The following CES4A variants were observed in gnomAD, a reference collection of about 807,000 sequenced individuals.
CES4A encodes carboxylesterase 4A.
In CES4A, 48 loss-of-function variants were observed where a neutral mutation model predicts 65.4. That is an observed-to-expected ratio of 0.73 (90% CI 0.58 to 0.93). CES4A has a LOEUF of 0.93. CES4A is among the 40% of genes least tolerant of loss of function. The pLI, the probability that CES4A is intolerant of heterozygous loss-of-function variation, is 0.00. For synonymous variants in CES4A, 247 were observed against 281.8 expected, an observed-to-expected ratio of 0.88 and a Z score of 1.24; for missense variants, 685 against 728.5, an observed-to-expected ratio of 0.94 and a Z score of 0.69.
At chr16:66,994,860 C>T in intron 1 of CES4A, among the ~76,000 whole-genome samples, 1 of 141,088 alleles carries the variant, frequency 7.1e-6, no homozygotes, top group African/African-American at 3.0e-5. Context: ...AAAAATTAGC[C>T]AGGCGCGGTG....
At chr16:66,990,998 C>T (rs1964343001) in intron 1 of CES4A, among the ~76,000 whole-genome samples, 1 of 149,446 alleles carries the variant, frequency 6.7e-6, no homozygotes, top group Non-Finnish European at 1.5e-5. Flanking sequence ...GTGAACTTTT[C>T]TTTTCTTTTC....
chr16:67,006,246 T>G (rs1175776058), intron 11 of CES4A, 145 bp from the exon 12 acceptor site: 1 of 767,416 alleles, frequency 1.3e-6, no homozygotes, highest in Non-Finnish European at 2.1e-6. Flanking sequence ...GAATGAGTAG[T>G]GCAGACAGGA....
chr16:67,000,372 C>A lies in CES4A; in HGVS notation c.261-266C>A. 2 of 707,988 alleles carry A rather than the reference C, an allele frequency of 2.8e-6. No homozygotes were observed. The highest frequency in any genetic ancestry group is 3.5e-6 in the Non-Finnish European group (2 of 577,086). The allele number at this position is 707,988 out of a possible 1,614,324, so 43.9% of individuals were successfully genotyped here. A position where few individuals can be genotyped will look rare whatever the true frequency, so the allele number is the denominator to read the frequency against. On this transcript the variant is annotated intron_variant, in intron 2 of 13. Coordinates refer to ENST00000648724, the Ensembl canonical transcript of CES4A. The surrounding 1 kb of genome is among the most constrained non-coding windows in gnomAD (Gnocchi z 4.2). ...GTGCCCAGGGCAGGCAGGTTCCTGC[C>A]TTGACAGCACCAACAGGAGCAGGAA...
Position 67,000,828 on chromosome 16 carries a change from C to T in CES4A, c.403-29C>T, listed in dbSNP as rs1965253565. The T allele has an allele frequency of 6.4e-7, 1 of 1,560,016 alleles. No homozygotes were observed. The highest frequency in any genetic ancestry group is 8.7e-7 in the Non-Finnish European group (1 of 1,151,602). On this transcript the variant is annotated intron_variant, in intron 3 of 13. Transcript: ENST00000648724. The surrounding 1 kb of genome is among the most constrained non-coding windows in gnomAD (Gnocchi z 4.2). ...CGCGGTCCCACCGCCGCCCACCGCC[C>T]CGCTCAGATCCCGGCCTTCTTCGTC...
chr16:67,008,865 G>T, intron 13 of CES4A, 109 bp from the exon 14 acceptor site: 5 of 1,089,964 alleles, frequency 4.6e-6, no homozygotes, highest in Non-Finnish European at 6.7e-6. Context: ...TCTCCGTAAA[G>T]CCCTCTGGAA....
chr16:67,003,570 C>G lies in CES4A; in HGVS notation c.939+17C>G. On this transcript the variant is annotated intron_variant, in intron 8 of 13. Transcript: ENST00000648724. This position sits in a 1 kb window ranked among gnomAD's most constrained non-coding sequence, Gnocchi z 4.2. ...CCGGAAGAGGTAAACAGGCCACATT[C>G]TGCAATTTGAGTATTTATTTAACAC... 6.2e-7 allele frequency: 1 copy of G among 1,604,828 alleles called. No homozygotes were observed. The highest frequency in any genetic ancestry group is 8.5e-7 in the Non-Finnish European group (1 of 1,171,604).
In CES4A at chr16:67,004,874, G is replaced by A. The variant is rs1308695208; in HGVS notation, c.1161+1G>A. 4.6e-6 allele frequency: 7 copies of A among 1,535,712 alleles called. No homozygotes were observed. Among genetic ancestry groups the A allele is most frequent in the Admixed American group, 3.9e-5 (2 of 50,980 alleles). On this transcript the variant is annotated splice_donor_variant, in intron 10 of 13. Transcript: ENST00000648724. LOFTEE classifies it high-confidence loss of function. ...GCTCTGGAGTACCCGCACCCTGTTG[G>A]TGAGGGACCCAGCTGGCAGGGGTGC...
chr16:67,000,830 G>A lies in CES4A; in HGVS notation c.403-27G>A, dbSNP rs1440060590. 6.4e-7 allele frequency: 1 copy of A among 1,561,406 alleles called. No individual in the cohort carries two copies. The highest frequency in any genetic ancestry group is 1.4e-5 in the African/African-American group (1 of 73,634). On this transcript the variant is annotated intron_variant, in intron 3 of 13. Coordinates refer to ENST00000648724, the Ensembl canonical transcript of CES4A. This position sits in a 1 kb window ranked among gnomAD's most constrained non-coding sequence, Gnocchi z 4.2. ...CGGTCCCACCGCCGCCCACCGCCCC[G>A]CTCAGATCCCGGCCTTCTTCGTCCA...
chr16:67,004,272 C>T (rs774888619), intron 9 of CES4A, 48 bp downstream of exon 9: 1 of 1,603,388 alleles, frequency 6.2e-7, no homozygotes, highest in Non-Finnish European at 8.5e-7. Context: ...TAAGTGAGTA[C>T]CATAGTGGAG....
At chr16:66,997,064 C>CAAA (rs1233686261) in intron 2 of CES4A, among the ~76,000 whole-genome samples, 12 of 95,820 alleles carry the variant, frequency 1.3e-4, no homozygotes, top group African/African-American at 4.2e-4. Context: ...GACCCTGTCT[C>CAAA]AAAAAAAAAA....
At chr16:66,988,860 C>A in intron 1 of CES4A, 30 bp downstream of exon 1, 1 of 1,548,204 alleles carries the variant, frequency 6.5e-7, no homozygotes, top group Non-Finnish European at 8.7e-7. Flanking sequence ...CCGAGAGTGT[C>A]AGGCAAGACG....
Position 67,000,924 on chromosome 16 carries a change from T to C in CES4A, c.470T>C (p.Leu157Ser). ...GCTTCTTCGTACGAGGGCTCTGACTTGGCCGCCCGCGAGAAAGTGGTGCTG... is the reference window on the plus strand; with the variant it reads ...GCTTCTTCGTACGAGGGCTCTGACTCGGCCGCCCGCGAGAAAGTGGTGCTG... The change falls in exon 4 of 14, where the codon TTG becomes TCG. Residue 157 changes from leucine to serine, a missense_variant. Transcript: ENST00000648724. This position sits in a 1 kb window ranked among gnomAD's most constrained non-coding sequence, Gnocchi z 4.2. 6.2e-7 allele frequency: 1 copy of C among 1,613,102 alleles called. No individual in the cohort carries two copies. The highest frequency in any genetic ancestry group is 1.1e-5 in the South Asian group (1 of 90,866).
Position 67,001,308 on chromosome 16 carries a change from C to T in CES4A, c.537C>T (p.Ser179=). Residue 179 remains serine (S), a splice_region_variant and synonymous_variant, in exon 5 of 14, where the codon AGC becomes AGT. Coordinates refer to ENST00000648724, the Ensembl canonical transcript of CES4A. The surrounding 1 kb of genome is among the most constrained non-coding windows in gnomAD (Gnocchi z 4.1). ...CTGACAGTGAACCCCACACGCCCAG[C>T]ACGGACGACAGCCACGCGCGCGGGA... is the stretch of plus-strand genomic sequence containing the variant. 8 of 1,601,580 alleles carry T rather than the reference C, an allele frequency of 5.0e-6. No homozygotes were observed. The highest frequency in any genetic ancestry group is 6.8e-6 in the Non-Finnish European group (8 of 1,173,992).
rs1251608709 is a variant in CES4A, at chr16:66,988,818, C to T, written c.46C>T (p.Gln16Ter). 1.1e-5 allele frequency: 18 copies of T among 1,567,988 alleles called. No homozygotes were observed. Among genetic ancestry groups the T allele is most frequent in the Non-Finnish European group, 1.5e-5 (17 of 1,155,430 alleles). The change falls in exon 1 of 14, where the codon CAG becomes TAG. Residue 16 changes from glutamine (Q) to a stop codon, truncating the protein, a stop_gained. Transcript: ENST00000648724. LOFTEE classifies it high-confidence loss of function. ...GAGCCTCACCCTCTGCCTGATGGCG[C>T]AGACGGCCTTGGGTAAGACCCCCAC...
Position 67,003,375 on chromosome 16 carries a change from C to G in CES4A, c.900+15C>G. The G allele has an allele frequency of 6.2e-7, 1 of 1,611,628 alleles. No homozygotes were observed. The highest frequency in any genetic ancestry group is 2.2e-5 in the East Asian group (1 of 44,864). ...CCAACAAGATGGTAGGTAGAACATTCCAGCTGCCTGACCTGGCTGCCTGAG... is the reference window on the plus strand; with the variant it reads ...CCAACAAGATGGTAGGTAGAACATTGCAGCTGCCTGACCTGGCTGCCTGAG... On this transcript the variant is annotated intron_variant, in intron 7 of 13. Coordinates refer to ENST00000648724, the Ensembl canonical transcript of CES4A. This position sits in a 1 kb window ranked among gnomAD's most constrained non-coding sequence, Gnocchi z 4.2.
chr16:67,003,491 C>G lies in CES4A; in HGVS notation c.901-24C>G. ...CACACGAGGGAGACTTCCTTTAACT[C>G]TGATCCCTTCCTCTCCCCCATAGAG... is the stretch of plus-strand genomic sequence containing the variant. On this transcript the variant is annotated intron_variant, in intron 7 of 13. Transcript: ENST00000648724. This position sits in a 1 kb window ranked among gnomAD's most constrained non-coding sequence, Gnocchi z 4.2. The G allele has an allele frequency of 6.2e-7, 1 of 1,612,234 alleles. No homozygotes were observed. The highest frequency in any genetic ancestry group is 2.2e-5 in the East Asian group (1 of 44,876).
At chr16:66,996,477 C>A (rs1296683390) in intron 2 of CES4A, among the ~76,000 whole-genome samples, 1 of 152,162 alleles carries the variant, frequency 6.6e-6, no homozygotes, top group Non-Finnish European at 1.5e-5. Context: ...TGACCCAGTC[C>A]GGAGCTCTTC....
In CES4A at chr16:67,001,474, C is replaced by A; in HGVS notation, c.690+13C>A. The A allele has an allele frequency of 6.3e-7, 1 of 1,585,062 alleles. No individual in the cohort carries two copies. The highest frequency in any genetic ancestry group is 1.2e-5 in the South Asian group (1 of 86,386). On this transcript the variant is annotated intron_variant, in intron 5 of 13. Transcript: ENST00000648724. The surrounding 1 kb of genome is among the most constrained non-coding windows in gnomAD (Gnocchi z 4.1). ...CATCTCAGGACTGGTGAGAGCAATG[C>A]CCAGACGGACCGAGCACAGACTTAG...
chr16:67,002,774 C>T (rs1429741331), intron 5 of CES4A, among the ~76,000 whole-genome samples: 1 of 152,138 alleles, frequency 6.6e-6, no homozygotes, highest in African/African-American at 2.4e-5. Context: ...GTCCCTTCCA[C>T]CTACCCCTCA....
Sources: allele counts gnomAD v4.1 joint callset (sites outside exome capture counted in the v4.1 genomes callset), GRCh38; gene constraint gnomAD v4.1.1; non-coding constraint Gnocchi (gnomAD v3.1); transcripts MANE v1.5; gene names NCBI Gene and HGNC (gene_info 2026-07-23, HGNC 2026-07-21).